KCNT1: variants seen among roughly 807,000 people sequenced by gnomAD.
KCNT1 encodes potassium channel subfamily T member 1.
In KCNT1, 78 loss-of-function variants were observed where a neutral mutation model predicts 147.8. That is an observed-to-expected ratio of 0.53 (90% CI 0.44 to 0.64). KCNT1 has a LOEUF of 0.64. Ranked by LOEUF, KCNT1 falls within the 30% of genes least tolerant of loss-of-function variation. The probability of loss-of-function intolerance (pLI) is 0.00; values close to 1 mark genes in which losing one functional copy is unlikely to be tolerated. For missense variants in KCNT1, 1,419 were observed against 1,750.3 expected, an observed-to-expected ratio of 0.81 and a Z score of 3.38; for synonymous variants, 867 against 748.8, an observed-to-expected ratio of 1.16 and a Z score of -2.58.
At position 135,786,529 on chromosome 9, in the gene KCNT1, C is replaced by A. The variant is rs1168184548; in HGVS notation, c.3502+8C>A. Reference sequence around the variant, plus strand: ...TGCCCACCACCGGCTACGGTAAGGGCACACGGCGCGGGTGGGGGCCGGACG... The same window carrying A: ...TGCCCACCACCGGCTACGGTAAGGGAACACGGCGCGGGTGGGGGCCGGACG... On this transcript the variant is annotated splice_region_variant and intron_variant, in intron 29 of 30. Coordinates refer to ENST00000371757, the MANE Select transcript of KCNT1 (RefSeq NM_020822.3). The A allele has an allele frequency of 8.9e-6, 14 of 1,580,744 alleles. No individual in the cohort carries two copies. Among genetic ancestry groups the A allele is most frequent in the Non-Finnish European group, 1.1e-5 (13 of 1,167,752 alleles).
At chr9:135,784,642 G>T in intron 26 of KCNT1, 24 bp downstream of exon 26, 1 of 1,611,544 alleles carries the variant, frequency 6.2e-7, no homozygotes, top group Non-Finnish European at 8.5e-7. Context: ...GCTGCGCTGG[G>T]CTGGGGGCGT....
chr9:135,731,958 G>GTATATA (rs1564327715), intron 2 of KCNT1, among the ~76,000 whole-genome samples: 2 of 35,558 alleles, frequency 5.6e-5, no homozygotes, highest in East Asian at 7.3e-4. Flanking sequence ...TCAAATATGC[G>GTATATA]TGTATATATA....
In KCNT1 at chr9:135,757,376, A is replaced by C. The variant is rs755782470; in HGVS notation, c.754A>C (p.Met252Leu). Residue 252 changes from methionine (M) to leucine (L), a missense_variant, in exon 9 of 31, where the codon ATG becomes CTG. By Grantham distance (15) the Met-to-Leu change is conservative (BLOSUM62 2). This residue lies in a region of KCNT1 where 401 missense variants were observed against 610.6 expected (regional missense o/e 0.66). Transcript: ENST00000371757. ...GCTGGCCAAGCACGCGCTGGAAAAC[A>C]TGATTGTAAGCCGGGGCGGGGGGTG... ...CWLAKHALEN[M>L]INDFHRAILR... is the part of the protein sequence containing the mutation. The C allele has an allele frequency of 2.5e-6, 4 of 1,607,974 alleles. No individual in the cohort carries two copies. Among genetic ancestry groups the C allele is most frequent in the Non-Finnish European group, 3.4e-6 (4 of 1,179,726 alleles).
intron 19 of KCNT1, among the ~76,000 whole-genome samples, chr9:135,774,902 G>A (rs1038815630): frequency 2.6e-5 from 4 of 152,006 alleles, no homozygotes; most frequent in East Asian, 1.9e-4. Flanking sequence ...CCCACCCCTC[G>A]GTCTCCTCCA....
chr9:135,768,343 T>G (rs1832468538), intron 13 of KCNT1: 2 of 76,972 alleles, frequency 2.6e-5, no homozygotes, highest in Non-Finnish European at 2.1e-5. Context: ...GTGATGTGGG[T>G]TGGGGGGGGG....
chr9:135,778,521 T>G (rs1395653322), intron 22 of KCNT1, 26 bp downstream of exon 22: 2 of 1,598,672 alleles, frequency 1.3e-6, no homozygotes, highest in Non-Finnish European at 1.7e-6. Context: ...CCGAGGCTCG[T>G]GGGGGCTCCA....
intron 2 of KCNT1, among the ~76,000 whole-genome samples, chr9:135,729,531 G>A (rs988163069): frequency 1.3e-5 from 2 of 152,238 alleles, no homozygotes; most frequent in African/African-American, 4.8e-5. Context: ...GCTGTGCGCA[G>A]ACTTCTACCC....
chr9:135,785,667 T>G, intron 28 of KCNT1: 1 of 538,208 alleles, frequency 1.9e-6, no homozygotes, highest in Non-Finnish European at 3.4e-6. Context: ...TCCCAGGCCT[T>G]TCTGAAGGTG....
intron 18 of KCNT1, among the ~76,000 whole-genome samples, chr9:135,771,525 G>A (rs76824324): frequency 3.7e-4 from 56 of 152,352 alleles, no homozygotes; most frequent in African/African-American, 1.3e-3. Flanking sequence ...CAGCTCAACC[G>A]GAGGCTCCTG....
chr9:135,751,547 C>T (rs1003165363), intron 4 of KCNT1, among the ~76,000 whole-genome samples: 1 of 152,164 alleles, frequency 6.6e-6, no homozygotes, highest in African/African-American at 2.4e-5. Flanking sequence ...CAATCTGCAC[C>T]GTCAGGTCCT....
At chr9:135,747,330 G>A (rs536883246) in intron 2 of KCNT1, among the ~76,000 whole-genome samples, 13 of 152,144 alleles carry the variant, frequency 8.5e-5, no homozygotes, top group East Asian at 5.8e-4. Context: ...CATGGAGGGC[G>A]GGACAGTGGT....
chr9:135,770,067 G>C lies in KCNT1; in HGVS notation c.1619+12G>C. On this transcript the variant is annotated intron_variant, in intron 16 of 30. Coordinates refer to ENST00000371757, the MANE Select transcript of KCNT1 (RefSeq NM_020822.3). ...ACGTCCCGCGGCCAGTGAGTGCCCCGTGCCCCGGGGGACCGACCTCCATGG... is the reference window on the plus strand; with the variant it reads ...ACGTCCCGCGGCCAGTGAGTGCCCCCTGCCCCGGGGGACCGACCTCCATGG... The C allele has an allele frequency of 6.5e-7, 1 of 1,544,480 alleles. No individual in the cohort carries two copies. The highest frequency in any genetic ancestry group is 8.7e-7 in the Non-Finnish European group (1 of 1,143,258).
In KCNT1 at chr9:135,730,423, G is replaced by A. The variant is rs1345185075; in HGVS notation, c.254+15703G>A. ...ATATGATTAAGTGGAGGGCCTTGAAGATGGGAAATTATCGTGGATGATCTG... is the reference window on the plus strand; with the variant it reads ...ATATGATTAAGTGGAGGGCCTTGAAAATGGGAAATTATCGTGGATGATCTG... On this transcript the variant is annotated intron_variant, in intron 2 of 30. Transcript: ENST00000371757. This position sits in a 1 kb window ranked among gnomAD's most constrained non-coding sequence, Gnocchi z 4.7. 6.6e-6 allele frequency among the ~76,000 whole-genome samples: 1 copy of A among 152,238 alleles called. No individual in the cohort carries two copies. Among genetic ancestry groups the A allele is most frequent in the African/African-American group, 2.4e-5 (1 of 41,468 alleles).
intron 1 of KCNT1, among the ~76,000 whole-genome samples, chr9:135,707,964 G>C (rs1475150488): frequency 6.6e-6 from 1 of 152,244 alleles, no homozygotes; most frequent in Non-Finnish European, 1.5e-5. Context: ...CCTAAAGAGA[G>C]ACGTCACCGA....
intron 2 of KCNT1, among the ~76,000 whole-genome samples, chr9:135,745,686 G>A (rs58443446): frequency 2.0e-5 from 3 of 152,232 alleles, no homozygotes; most frequent in Non-Finnish European, 2.9e-5. Flanking sequence ...CTCGGGACAC[G>A]CCGGGAGTTG....
intron 1 of KCNT1, among the ~76,000 whole-genome samples, chr9:135,705,930 T>G (rs1588243458): frequency 6.7e-6 from 1 of 149,862 alleles, no homozygotes. Flanking sequence ...GAGAGGAGGG[T>G]GGCCTCACTG....
intron 2 of KCNT1, among the ~76,000 whole-genome samples, chr9:135,732,164 G>A (rs1830131480): frequency 1.3e-5 from 2 of 151,160 alleles, no homozygotes; most frequent in African/African-American, 4.9e-5. Flanking sequence ...GATTACAGGT[G>A]CCCACCACCA....
chr9:135,779,736 G>A (rs1833469593), intron 24 of KCNT1, among the ~76,000 whole-genome samples: 1 of 152,254 alleles, frequency 6.6e-6, no homozygotes, highest in Non-Finnish European at 1.5e-5. Context: ...CCCTGAGCAG[G>A]GACCAGGCCT....
intron 2 of KCNT1, among the ~76,000 whole-genome samples, chr9:135,735,010 C>T (rs1165877684): frequency 2.0e-5 from 3 of 152,208 alleles, no homozygotes; most frequent in Admixed American, 6.5e-5. Context: ...AAGAGCCCAG[C>T]CTCATTCTTT....
Sources: gnomAD v4.1 joint callset for allele counts (sites outside exome capture counted in the v4.1 genomes callset) on GRCh38, gnomAD v4.1.1 for gene constraint, gnomAD v4.1.1 regional missense constraint, Gnocchi (gnomAD v3.1) non-coding constraint, MANE v1.5 for transcripts, NCBI Gene and HGNC (gene_info 2026-07-23, HGNC 2026-07-21) for gene names.